The following GRM7 variants were observed in gnomAD, a reference collection of about 807,000 sequenced individuals.
The protein encoded by GRM7 is glutamate metabotropic receptor 7.
A neutral mutation model predicts 84.5 loss-of-function variants in GRM7; 35 were observed. That is an observed-to-expected ratio of 0.41 (90% confidence interval 0.32 to 0.55). The LOEUF is 0.55. Among genes scored for constraint, GRM7 ranks in the 20% least tolerant of loss-of-function variants. The pLI is 0.19. For synonymous variants in GRM7, 487 were observed against 455.1 expected (o/e 1.07, Z -0.89); for missense variants, 1,003 against 1,194.6 (o/e 0.84, Z 2.36).
At chr3:7,666,906 T>C (rs1032016781) in intron 8 of GRM7, among the ~76,000 whole-genome samples, 2 of 152,062 alleles carry the variant, frequency 1.3e-5, no homozygotes, top group African/African-American at 2.4e-5. Flanking sequence ...TGCAACCAGG[T>C]AGATAAATAG....
chr3:7,619,558 C>A (rs926465803), intron 8 of GRM7, among the ~76,000 whole-genome samples: 6 of 152,028 alleles, frequency 3.9e-5, no homozygotes, highest in Non-Finnish European at 8.8e-5. Flanking sequence ...TTAGAGGTGA[C>A]TTCAAAAGCT....
chr3:7,073,951 A>T (rs886848420), intron 1 of GRM7, among the ~76,000 whole-genome samples: 6 of 145,496 alleles, frequency 4.1e-5, no homozygotes, highest in Non-Finnish European at 6.0e-5. Context: ...ATAAATGAGG[A>T]TATTAATTGG....
intron 1 of GRM7, among the ~76,000 whole-genome samples, chr3:6,876,017 T>C (rs756325948): frequency 6.6e-6 from 1 of 152,076 alleles, no homozygotes; most frequent in Non-Finnish European, 1.5e-5. Flanking sequence ...CGTGTAACCA[T>C]AGCACTTTGG....
At chr3:7,288,992 T>C (rs1477064001) in intron 2 of GRM7, among the ~76,000 whole-genome samples, 2 of 152,196 alleles carry the variant, frequency 1.3e-5, no homozygotes, top group East Asian at 1.9e-4. Flanking sequence ...CCTGCTTTTT[T>C]CCCCATATAC....
intron 8 of GRM7, among the ~76,000 whole-genome samples, chr3:7,664,880 C>CT (rs759225963): frequency 0.032 from 4,893 of 152,116 alleles, 102 homozygotes; most frequent in Middle Eastern, 0.082. Flanking sequence ...TACTCTTGAT[C>CT]TCAAATTAGT....
intron 6 of GRM7, among the ~76,000 whole-genome samples, chr3:7,453,028 G>GT (rs1697840904): frequency 2.6e-5 from 3 of 114,642 alleles, no homozygotes; most frequent in Non-Finnish European, 5.2e-5. Context: ...TTGAAATAGA[G>GT]ATTTTTTTTT....
rs74285843 is a variant in GRM7 at position 7,274,688 on chromosome 3, T to C, written c.737-23996T>C. ...TACACTGTTTTTCACCCATGGATTC[T>C]TTCATAATTTACTATTTATTTTTAA... is the stretch of plus-strand genomic sequence containing the variant. On this transcript the variant is annotated intron_variant, in intron 2 of 9. Coordinates refer to ENST00000357716, the MANE Select transcript of GRM7 (RefSeq NM_000844.4). Among the ~76,000 whole-genome samples, 67 of 152,206 alleles carry C rather than the reference T, an allele frequency of 4.4e-4. 1 individual carries two copies. The East Asian group carries it at 7.7e-3, about 18-fold the overall frequency.
intron 8 of GRM7, among the ~76,000 whole-genome samples, chr3:7,658,970 C>A (rs750528184): frequency 2.0e-5 from 3 of 152,122 alleles, no homozygotes; most frequent in Admixed American, 6.5e-5. Flanking sequence ...CCAAAGATTT[C>A]TTTGCATTTT....
At chr3:7,601,476 C>T (rs985056077) in intron 8 of GRM7, among the ~76,000 whole-genome samples, 3 of 152,108 alleles carry the variant, frequency 2.0e-5, no homozygotes, top group Admixed American at 6.6e-5. Flanking sequence ...ATGAAAAAAA[C>T]TCCACAAGAT....
intron 1 of GRM7, among the ~76,000 whole-genome samples, chr3:6,907,222 A>G (rs531392576): frequency 7.2e-5 from 11 of 152,312 alleles, no homozygotes; most frequent in Admixed American, 6.5e-4. Context: ...TAGTTAAAAA[A>G]TACTAAATTC....
At chr3:7,304,010 T>C (rs962480637) in intron 3 of GRM7, among the ~76,000 whole-genome samples, 4 of 152,000 alleles carry the variant, frequency 2.6e-5, no homozygotes, top group African/African-American at 4.8e-5. Flanking sequence ...ATTCTGCCTC[T>C]ACCCTTAATT....
intron 1 of GRM7, among the ~76,000 whole-genome samples, chr3:7,085,167 T>A (rs1326229877): frequency 6.6e-6 from 1 of 152,154 alleles, no homozygotes; most frequent in Non-Finnish European, 1.5e-5. Context: ...TTAGACCTTT[T>A]TGGAATTGGC....
chr3:7,048,899 C>T (rs923744150), intron 1 of GRM7, among the ~76,000 whole-genome samples: 68 of 151,938 alleles, frequency 4.5e-4, no homozygotes, highest in African/African-American at 1.6e-3. Flanking sequence ...TTCTCTTCTT[C>T]AATCAATTCT....
At chr3:7,134,239 A>G (rs114479994) in intron 1 of GRM7, among the ~76,000 whole-genome samples, 3,448 of 152,116 alleles carry the variant, frequency 0.023, 83 homozygotes, top group African/African-American at 0.066. Flanking sequence ...TGTTACTGCT[A>G]TTTTTGCAGC....
intron 1 of GRM7, among the ~76,000 whole-genome samples, chr3:6,876,055 G>A (rs151077048): frequency 4.5e-4 from 69 of 152,156 alleles, no homozygotes; most frequent in Admixed American, 7.9e-4. Flanking sequence ...ATCACCTGAG[G>A]TCAGGAGTTC....
intron 5 of GRM7, among the ~76,000 whole-genome samples, chr3:7,425,862 C>A (rs1052212895): frequency 1.1e-4 from 16 of 152,280 alleles, no homozygotes; most frequent in African/African-American, 3.8e-4. Flanking sequence ...ATCACTATGA[C>A]AAGTAGTTAT....
chr3:7,589,202 C>A (rs1257868484), intron 8 of GRM7, among the ~76,000 whole-genome samples: 2 of 152,174 alleles, frequency 1.3e-5, no homozygotes, highest in South Asian at 4.1e-4. Flanking sequence ...TTTAACCCAG[C>A]AATCAGATCA....
chr3:7,354,472 C>T (rs1268991194), intron 4 of GRM7, among the ~76,000 whole-genome samples: 3 of 152,090 alleles, frequency 2.0e-5, no homozygotes, highest in African/African-American at 7.2e-5. Flanking sequence ...GGTCACCTAA[C>T]AGTGAGGGAT....
At chr3:7,491,942 C>T (rs1224272421) in intron 7 of GRM7, among the ~76,000 whole-genome samples, 5 of 152,126 alleles carry the variant, frequency 3.3e-5, no homozygotes, top group Non-Finnish European at 5.9e-5. Flanking sequence ...GGCAAGGACC[C>T]AGGCACCAAG....
Sources: allele counts gnomAD v4.1 joint callset (sites outside exome capture counted in the v4.1 genomes callset), GRCh38; gene constraint gnomAD v4.1.1; transcripts MANE v1.5; gene names NCBI Gene and HGNC (gene_info 2026-07-23, HGNC 2026-07-21).